Variants in NALCN observed in about 807,000 individuals in gnomAD.
NALCN encodes the protein sodium leak channel NALCN.
In NALCN, 111 loss-of-function variants were observed where a neutral mutation model predicts 225.3. That is an observed-to-expected ratio of 0.49 (90% CI 0.42 to 0.58). NALCN has a LOEUF of 0.58. Ranked by LOEUF, NALCN falls within the 20% of genes least tolerant of loss-of-function variation. The probability of loss-of-function intolerance (pLI) is 0.00; values close to 1 mark genes in which losing one functional copy is unlikely to be tolerated. For synonymous variants in NALCN, 764 were observed against 769.0 expected, an observed-to-expected ratio of 0.99 and a Z score of 0.11; for missense variants, 1,378 against 2,202.4, an observed-to-expected ratio of 0.63 and a Z score of 7.49.
At chr13:101,085,506 C>G (rs1320366786) in intron 30 of NALCN, among the ~76,000 whole-genome samples, 4 of 151,968 alleles carry the variant, frequency 2.6e-5, no homozygotes, top group African/African-American at 9.7e-5. Context: ...ATCTAATTGA[C>G]AACAATTAAT....
chr13:101,071,835 T>A (rs1355450342), intron 37 of NALCN, among the ~76,000 whole-genome samples: 2 of 152,238 alleles, frequency 1.3e-5, no homozygotes, highest in South Asian at 4.1e-4. Context: ...CTCCATAAGC[T>A]TAATCATTTC....
chr13:101,065,749 A>G (rs1246811178), intron 39 of NALCN, among the ~76,000 whole-genome samples, 188 bp from the exon 40 acceptor site: 3 of 152,180 alleles, frequency 2.0e-5, no homozygotes, highest in Admixed American at 2.0e-4. Context: ...AGGATAGAAA[A>G]CTGAGTGATA....
At chr13:101,190,218 T>G (rs1325252963) in intron 14 of NALCN, among the ~76,000 whole-genome samples, 2 of 152,188 alleles carry the variant, frequency 1.3e-5, no homozygotes, top group African/African-American at 4.8e-5. Context: ...GGAAAACGAT[T>G]AGGTTGATTA....
chr13:101,284,749 T>C (rs1157051816), intron 9 of NALCN, among the ~76,000 whole-genome samples: 1 of 152,198 alleles, frequency 6.6e-6, no homozygotes, highest in African/African-American at 2.4e-5. Context: ...ACAGGCCCAC[T>C]AAATCTGAAA....
chr13:101,066,321 A>G (rs1412574445), intron 39 of NALCN, among the ~76,000 whole-genome samples: 1 of 151,928 alleles, frequency 6.6e-6, no homozygotes, highest in Non-Finnish European at 1.5e-5. Flanking sequence ...AAAAAAAAAA[A>G]AAAGAGCTAA....
intron 7 of NALCN, among the ~76,000 whole-genome samples, chr13:101,300,786 C>T (rs2043936982): frequency 6.6e-6 from 1 of 152,214 alleles, no homozygotes; most frequent in African/African-American, 2.4e-5. Flanking sequence ...AAAGCAAAAA[C>T]CACATTTTTT....
chr13:101,088,735 T>A (rs1216511139), intron 30 of NALCN, among the ~76,000 whole-genome samples: 1 of 151,926 alleles, frequency 6.6e-6, no homozygotes, highest in African/African-American at 2.4e-5. Context: ...CTCCAAGGAG[T>A]GCTAATAGAA....
rs754014476 is a variant in NALCN, at chr13:101,060,025, C to T, written c.4756-58G>A. The stretch of plus-strand genomic sequence containing the variant: ...AAGCCCAGCATCCTGCCTGCCCCAC[C>T]GCCACACAAATCTTATTTTCTTCTC... On this transcript the variant is annotated intron_variant, in intron 41 of 43. Coordinates refer to ENST00000251127, the MANE Select transcript of NALCN (RefSeq NM_052867.4). 360 of 1,587,362 alleles carry T rather than the reference C, an allele frequency of 2.3e-4. 1 individual carries two copies. The highest frequency in any genetic ancestry group is 2.8e-4 in the Non-Finnish European group (328 of 1,162,408).
At chr13:101,074,468 A>T (rs766369180) in intron 36 of NALCN, 46 bp downstream of exon 36, 19 of 1,456,770 alleles carry the variant, frequency 1.3e-5, no homozygotes, top group Non-Finnish European at 1.6e-5. Context: ...TTTTATTACC[A>T]AAGGGTTTGC....
chr13:101,316,173 T>C (rs2044547201), intron 7 of NALCN, among the ~76,000 whole-genome samples: 1 of 151,220 alleles, frequency 6.6e-6, no homozygotes, highest in Non-Finnish European at 1.5e-5. Flanking sequence ...TCAATAAATG[T>C]CCTTCTCATC....
intron 15 of NALCN, among the ~76,000 whole-genome samples, chr13:101,146,387 C>T (rs1346006444): frequency 6.6e-6 from 1 of 152,112 alleles, no homozygotes; most frequent in East Asian, 1.9e-4. Context: ...TCAACAGTTC[C>T]ATGGTTATGA....
At chr13:101,109,993 T>C (rs1184628989) in intron 20 of NALCN, among the ~76,000 whole-genome samples, 1 of 152,228 alleles carries the variant, frequency 6.6e-6, no homozygotes, top group African/African-American at 2.4e-5. Context: ...GAACTTATTA[T>C]CTGTCTCCTA....
At position 101,346,087 on chromosome 13, in the gene NALCN, C is replaced by CTCTCTATATATATA; in HGVS notation, c.645-668_645-667insTATATATATAGAGA. Among the ~76,000 whole-genome samples the CTCTCTATATATATA allele has an allele frequency of 1.2e-3, 82 of 70,954 alleles. 1 individual carries two copies. The highest frequency in any genetic ancestry group is 3.6e-3 in the African/African-American group (64 of 17,806). 46.5% of individuals were successfully genotyped at this position (70,954 alleles called of 152,430 possible). On this transcript the variant is annotated intron_variant, in intron 6 of 43. Coordinates refer to ENST00000251127, the MANE Select transcript of NALCN (RefSeq NM_052867.4). Reference sequence around the variant, plus strand: ...TCTCTCTCTCTCTCTCTCTCTCTCTCTATATATATATATATATATATATAT... The same window carrying CTCTCTATATATATA: ...TCTCTCTCTCTCTCTCTCTCTCTCTCTCTCTATATATATATATATATATATATATATATATATAT...
intron 12 of NALCN, among the ~76,000 whole-genome samples, chr13:101,233,575 C>T (rs539459288): frequency 4.6e-5 from 7 of 152,066 alleles, no homozygotes; most frequent in African/African-American, 1.7e-4. Flanking sequence ...CTCCTGACCT[C>T]GTGATCCACC....
intron 3 of NALCN, among the ~76,000 whole-genome samples, chr13:101,385,572 A>T (rs2139450380): frequency 6.6e-6 from 1 of 152,348 alleles, no homozygotes; most frequent in African/African-American, 2.4e-5. Flanking sequence ...CACGTGTGCC[A>T]ATGGAGACAT....
chr13:101,191,876 T>C lies in NALCN; in HGVS notation c.1764+41A>G, dbSNP rs543777990. On this transcript the variant is annotated intron_variant, in intron 14 of 43. Transcript: ENST00000251127. ...ATATCTGTTGATGTTCATCCCATTATAAATTCCAAGATATAATTGAAAAAA... is the reference window on the plus strand; with the variant it reads ...ATATCTGTTGATGTTCATCCCATTACAAATTCCAAGATATAATTGAAAAAA... The C allele has an allele frequency of 3.2e-6, 5 of 1,579,078 alleles. No individual in the cohort carries two copies. In the South Asian group the frequency reaches 4.7e-5, roughly 15 times the overall value.
chr13:101,111,139 G>A lies in NALCN; in HGVS notation c.2280C>T (p.Ile760=). Residue 760 remains isoleucine, a synonymous_variant, in exon 19 of 44, where the codon ATC becomes ATT. Transcript: ENST00000251127. ...CAAGTATTTACCTGCGCTCTTGGCGGATATGATGCTGCACGCTGAGGATTG... is the reference window on the plus strand; with the variant it reads ...CAAGTATTTACCTGCGCTCTTGGCGAATATGATGCTGCACGCTGAGGATTG... ...ERSILSVQHH[I]RQERRSLRHG... 6.2e-7 allele frequency: 1 copy of A among 1,606,508 alleles called. No homozygotes were observed. The highest frequency in any genetic ancestry group is 8.5e-7 in the Non-Finnish European group (1 of 1,174,198).
chr13:101,098,672 T>C (rs2034644849), intron 27 of NALCN, among the ~76,000 whole-genome samples: 1 of 152,212 alleles, frequency 6.6e-6, no homozygotes, highest in South Asian at 2.1e-4. Context: ...AATGTTGGTG[T>C]ATCTACTTTC....
At chr13:101,113,302 G>A (rs1296126034) in intron 18 of NALCN, among the ~76,000 whole-genome samples, 1 of 152,178 alleles carries the variant, frequency 6.6e-6, no homozygotes, top group African/African-American at 2.4e-5. Context: ...GCAAGGCAAT[G>A]GGAAGGAAGT....
Sources: gnomAD v4.1 joint callset for allele counts (sites outside exome capture counted in the v4.1 genomes callset) on GRCh38, gnomAD v4.1.1 for gene constraint, MANE v1.5 for transcripts, NCBI Gene and HGNC (gene_info 2026-07-23, HGNC 2026-07-21) for gene names.